Variants in NAV3 observed in about 807,000 individuals in gnomAD.
NAV3 encodes neuron navigator 3.
A neutral mutation model predicts 244.7 loss-of-function variants in NAV3; 87 were observed. The observed-to-expected ratio is 0.36, with a 90% CI of 0.30 to 0.42. The LOEUF is 0.42. Ranked by LOEUF, NAV3 falls within the 20% of genes least tolerant of loss-of-function variation. The probability of loss-of-function intolerance (pLI) is 1.00; values close to 1 mark genes in which losing one functional copy is unlikely to be tolerated. For missense variants in NAV3, 2,663 were observed against 2,893.3 expected (o/e 0.92, Z 1.83); for synonymous variants, 1,126 against 1,042.2 (o/e 1.08, Z -1.55).
Position 77,940,156 on chromosome 12 carries a change from T to A in NAV3, c.244-163T>A. 3 of 597,462 alleles carry A rather than the reference T, an allele frequency of 5.0e-6. No homozygotes were observed. In the South Asian group the frequency reaches 6.6e-5, roughly 13 times the overall value. The allele number at this position is 597,462 out of a possible 1,614,324, so 37.0% of individuals were successfully genotyped here. On this transcript the variant is annotated intron_variant, in intron 1 of 39. Coordinates refer to ENST00000397909, the MANE Select transcript of NAV3 (RefSeq NM_001024383.2). ...ATGAGAGATAAGTTGGGGAAAGAGC[T>A]GTTTAAAAATTACTTTACAACTATT...
chr12:78,164,815 A>T (rs906014052), intron 23 of NAV3, among the ~76,000 whole-genome samples: 4 of 152,024 alleles, frequency 2.6e-5, no homozygotes, highest in Non-Finnish European at 5.9e-5. Flanking sequence ...TAAAAAGCAG[A>T]TGTGGTGGAA....
At chr12:78,050,215 C>A in intron 10 of NAV3, 114 bp downstream of exon 10, 1 of 756,652 alleles carries the variant, frequency 1.3e-6, no homozygotes, top group Non-Finnish European at 2.2e-6. Context: ...TTACTATTTT[C>A]TCCCTTGTTT....
Position 77,999,424 on chromosome 12 carries a change from A to C in NAV3, c.880+948A>C, listed in dbSNP as rs576578627. Among the ~76,000 whole-genome samples the C allele has an allele frequency of 2.6e-4, 39 of 152,352 alleles. No individual in the cohort carries two copies. The East Asian group carries it at 7.1e-3, about 28-fold the overall frequency. The stretch of plus-strand genomic sequence containing the variant: ...GGATCAAATAATTCAACCATGTGGG[A>C]ACGTTTTTGCTCAAAATAGATAATT... On this transcript the variant is annotated intron_variant, in intron 7 of 39. Transcript: ENST00000397909.
At chr12:78,087,000 C>T (rs1953672043) in intron 12 of NAV3, among the ~76,000 whole-genome samples, 2 of 151,964 alleles carry the variant, frequency 1.3e-5, no homozygotes, top group Non-Finnish European at 2.9e-5. Context: ...CAGCCTGTAG[C>T]CCATATTGCT....
At chr12:77,886,382 A>T (rs1219468542) in intron 1 of NAV3, among the ~76,000 whole-genome samples, 2 of 152,134 alleles carry the variant, frequency 1.3e-5, no homozygotes, top group African/African-American at 4.8e-5. Flanking sequence ...GTCAGTCTGT[A>T]TGCTAAACTT....
At chr12:77,935,400 G>A (rs1423011012) in intron 1 of NAV3, among the ~76,000 whole-genome samples, 1 of 152,030 alleles carries the variant, frequency 6.6e-6, no homozygotes, top group East Asian at 1.9e-4. Context: ...TATCATAGAG[G>A]CAAATGATGA....
intron 1 of NAV3, among the ~76,000 whole-genome samples, chr12:77,922,805 C>T (rs971554659): frequency 1.1e-4 from 16 of 152,118 alleles, no homozygotes; most frequent in African/African-American, 3.4e-4. Context: ...CTTAGAATAC[C>T]AATGAGGTAA....
chr12:77,672,775 G>A (rs933370790), intron 2 of NAV3, among the ~76,000 whole-genome samples: 1 of 151,778 alleles, frequency 6.6e-6, no homozygotes, highest in Non-Finnish European at 1.5e-5. Context: ...CAGAAATCAC[G>A]ACTAAAGAAC....
chr12:77,735,829 C>T (rs542702145), intron 2 of NAV3, among the ~76,000 whole-genome samples: 128 of 152,166 alleles, frequency 8.4e-4, no homozygotes, highest in Non-Finnish European at 1.3e-3. Flanking sequence ...TACATAAATG[C>T]GCAACACACC....
At chr12:77,665,321 C>T (rs1033556913) in intron 2 of NAV3, among the ~76,000 whole-genome samples, 8 of 152,054 alleles carry the variant, frequency 5.3e-5, no homozygotes, top group African/African-American at 1.9e-4. Flanking sequence ...CCATGTAAAC[C>T]AAGGAAAATT....
At chr12:77,859,480 G>A (rs896179130) in intron 1 of NAV3, among the ~76,000 whole-genome samples, 1 of 151,978 alleles carries the variant, frequency 6.6e-6, no homozygotes, top group South Asian at 2.1e-4. Context: ...AAGGAAATCA[G>A]ATGTGGCTTT....
intron 1 of NAV3, among the ~76,000 whole-genome samples, chr12:77,898,513 C>T (rs966747694): frequency 2.0e-5 from 3 of 152,054 alleles, no homozygotes; most frequent in Non-Finnish European, 4.4e-5. Flanking sequence ...AAAAAGTGTT[C>T]GTATTCATTC....
chr12:78,076,147 A>G (rs1953037806), intron 12 of NAV3, among the ~76,000 whole-genome samples: 1 of 152,200 alleles, frequency 6.6e-6, no homozygotes. Flanking sequence ...GCCTGGTGCC[A>G]CAGTTTACAA....
rs1399808934 is a variant in NAV3 at position 78,154,761 on chromosome 12, G to A, written c.4786-4442G>A. Among the ~76,000 whole-genome samples the A allele has an allele frequency of 2.0e-5, 3 of 151,850 alleles. No homozygotes were observed. The Admixed American group carries it at 2.0e-4, about 10-fold the overall frequency. On this transcript the variant is annotated intron_variant, in intron 22 of 39. Transcript: ENST00000397909. ...ATAAACTGTCATTAACAACCCCCCT[G>A]AAAATCCATATTTTTTAAAAGTCAT...
chr12:77,976,659 TTTCTTTC>T (rs1868438955), intron 5 of NAV3, among the ~76,000 whole-genome samples: 5 of 89,814 alleles, frequency 5.6e-5, no homozygotes, highest in Admixed American at 1.3e-4. Context: ...TCTTTCTTTC[TTTCTTTC>T]TTTTTTTCTT....
At chr12:77,948,686 C>CG (rs1324692018) in intron 3 of NAV3, among the ~76,000 whole-genome samples, 4 of 135,658 alleles carry the variant, frequency 2.9e-5, no homozygotes, top group African/African-American at 1.1e-4. Context: ...AATTGCCCCC[C>CG]CACCACTGCC....
At chr12:77,766,158 A>C (rs1368530151) in intron 2 of NAV3, among the ~76,000 whole-genome samples, 1 of 152,238 alleles carries the variant, frequency 6.6e-6, no homozygotes, top group Non-Finnish European at 1.5e-5. Context: ...CCAGCTAATA[A>C]AAATAAACTT....
At position 78,017,986 on chromosome 12, in the gene NAV3, C is replaced by A. The variant is rs539334887; in HGVS notation, c.1908-3761C>A. 1.1e-4 allele frequency among the ~76,000 whole-genome samples: 17 copies of A among 152,250 alleles called. No individual in the cohort carries two copies. In the South Asian group the frequency reaches 3.3e-3, roughly 30 times the overall value. On this transcript the variant is annotated intron_variant, in intron 8 of 39. Coordinates refer to ENST00000397909, the MANE Select transcript of NAV3 (RefSeq NM_001024383.2). ...TGGCTTGTAACATCAGTAGACATTT[C>A]TGGTCCCATTTCCATGTGAATATAA...
At chr12:77,573,355 T>C (rs1196710042) in intron 2 of NAV3, among the ~76,000 whole-genome samples, 1 of 152,180 alleles carries the variant, frequency 6.6e-6, no homozygotes, top group Non-Finnish European at 1.5e-5. Flanking sequence ...AGTAATCCTT[T>C]TGTCATTAAT....
Sources: allele counts gnomAD v4.1 joint callset (sites outside exome capture counted in the v4.1 genomes callset), GRCh38; gene constraint gnomAD v4.1.1; transcripts MANE v1.5; gene names NCBI Gene and HGNC (gene_info 2026-07-23, HGNC 2026-07-21).